Variants in HSD17B2 observed in about 807,000 individuals in gnomAD.
HSD17B2 encodes 17-beta-hydroxysteroid dehydrogenase type 2.
HSD17B2 carries 32 observed loss-of-function variants against 26.9 expected under a neutral mutation model. The ratio of observed to expected loss-of-function variants is 1.19; its 90% CI spans 0.90 to 1.60. The LOEUF (loss-of-function observed/expected upper bound fraction) is 1.60. HSD17B2 is among the 40% of genes most tolerant of loss of function. HSD17B2 has a pLI of 0.00. For synonymous variants in HSD17B2, 246 were observed against 186.7 expected (o/e 1.32, Z -2.59); for missense variants, 613 against 468.6 (o/e 1.31, Z -2.85).
At position 82,068,359 on chromosome 16, in the gene HSD17B2, T is replaced by G. The variant is rs780990045; in HGVS notation, c.455T>G (p.Val152Gly). The change falls in exon 2 of 5, where the codon GTT becomes GGT. Residue 152 changes from valine (V) to glycine (G), a missense_variant. Coordinates refer to ENST00000199936, the MANE Select transcript of HSD17B2 (RefSeq NM_002153.3). ...CAGATAAAAGATGCTTACAGCAAGGTTGCAGCAATGCTGCAGGACAGAGGT... is the reference window on the plus strand; with the variant it reads ...CAGATAAAAGATGCTTACAGCAAGGGTGCAGCAATGCTGCAGGACAGAGGT... Reference protein sequence around the residue: ...PVQIKDAYSKVAAMLQDRGLW... With the variant: ...PVQIKDAYSKGAAMLQDRGLW... The G allele has an allele frequency of 1.9e-6, 3 of 1,613,096 alleles. No homozygotes were observed. The highest frequency in any genetic ancestry group is 2.5e-6 in the Non-Finnish European group (3 of 1,179,832).
chr16:82,051,114 A>T (rs948150259), intron 1 of HSD17B2, among the ~76,000 whole-genome samples: 2 of 152,182 alleles, frequency 1.3e-5, no homozygotes, highest in African/African-American at 4.8e-5. Flanking sequence ...CCTATTTGTT[A>T]CTTTCATAGA....
intron 3 of HSD17B2, among the ~76,000 whole-genome samples, chr16:82,082,504 T>C (rs910089157): frequency 2.0e-5 from 3 of 152,234 alleles, no homozygotes; most frequent in Non-Finnish European, 4.4e-5. Context: ...ATAATGCTTC[T>C]CTGAATATTT....
In HSD17B2 at chr16:82,068,213, T is replaced by TGA; in HGVS notation, c.311_312dup (p.Leu105SerfsTer11). On this transcript the variant is annotated frameshift_variant, in exon 2 of 5. Transcript: ENST00000199936. LOFTEE classifies it high-confidence loss of function. ...GCCATGCTTTGTGCAAGTATCTGGA[T>TGA]GAGCTGGGCTTCACGGTATTTGCCG... The TGA allele has an allele frequency of 6.2e-7, 1 of 1,614,056 alleles. No individual in the cohort carries two copies. The highest frequency in any genetic ancestry group is 1.1e-5 in the South Asian group (1 of 91,078).
chr16:82,049,627 A>T (rs1914044787), intron 1 of HSD17B2, among the ~76,000 whole-genome samples: 1 of 152,220 alleles, frequency 6.6e-6, no homozygotes, highest in Non-Finnish European at 1.5e-5. Context: ...AAGAGAGGAA[A>T]CAGCCCTGGG....
intron 1 of HSD17B2, among the ~76,000 whole-genome samples, chr16:82,046,007 G>A (rs1913915360): frequency 6.6e-6 from 1 of 152,258 alleles, no homozygotes; most frequent in South Asian, 2.1e-4. Context: ...ATTGCCTCCT[G>A]AGTCCCCATC....
intron 1 of HSD17B2, 85 bp from the exon 2 acceptor site, chr16:82,068,085 A>G: frequency 8.3e-7 from 1 of 1,204,036 alleles, no homozygotes; most frequent in South Asian, 1.3e-5. Flanking sequence ...GAGAATCGTA[A>G]ACAACGTAAT....
intron 1 of HSD17B2, among the ~76,000 whole-genome samples, chr16:82,046,641 T>C (rs8191067): frequency 9.9e-5 from 15 of 152,012 alleles, no homozygotes; most frequent in African/African-American, 3.1e-4. Flanking sequence ...GGAGGATCGC[T>C]TGAACCTGGG....
intron 3 of HSD17B2, among the ~76,000 whole-genome samples, chr16:82,075,208 G>A (rs1473687834): frequency 6.6e-6 from 1 of 151,830 alleles, no homozygotes; most frequent in African/African-American, 2.4e-5. Context: ...GTACTAAGAG[G>A]GAAGCTGGCT....
rs754802769 is a variant in HSD17B2, at chr16:82,065,171, T to G, written c.266-2999T>G. 2.6e-5 allele frequency among the ~76,000 whole-genome samples: 4 copies of G among 152,254 alleles called. No homozygotes were observed. The South Asian group carries it at 6.2e-4, about 24-fold the overall frequency. ...TGGGATGCAAGGCCAAAGGAAGGAT[T>G]GGAAAGTGCAAAGTTCATGATTCTC... On this transcript the variant is annotated intron_variant, in intron 1 of 4. Transcript: ENST00000199936.
intron 3 of HSD17B2, among the ~76,000 whole-genome samples, chr16:82,075,086 T>C (rs1904294557): frequency 6.6e-6 from 1 of 152,098 alleles, no homozygotes; most frequent in Non-Finnish European, 1.5e-5. Context: ...TTAAACAATA[T>C]ATTCCTGAGT....
chr16:82,083,461 G>A, intron 3 of HSD17B2, among the ~76,000 whole-genome samples: 1 of 152,176 alleles, frequency 6.6e-6, no homozygotes, highest in Non-Finnish European at 1.5e-5. Context: ...GAACCTCTGA[G>A]TTGCAGCCTC....
intron 1 of HSD17B2, among the ~76,000 whole-genome samples, chr16:82,043,417 G>T (rs1014024474): frequency 1.6e-5 from 2 of 124,356 alleles, no homozygotes; most frequent in African/African-American, 6.3e-5. Context: ...GGGCGCGGTG[G>T]CTCATGCCTG....
intron 1 of HSD17B2, chr16:82,044,472 G>C (rs1371648482): frequency 6.6e-6 from 1 of 152,330 alleles, no homozygotes; most frequent in African/African-American, 2.4e-5. Context: ...GGGCAGCTGG[G>C]CTTAGCACAG....
At chr16:82,046,309 G>A (rs1252468755) in intron 1 of HSD17B2, among the ~76,000 whole-genome samples, 1 of 152,202 alleles carries the variant, frequency 6.6e-6, no homozygotes, top group Non-Finnish European at 1.5e-5. Context: ...GGACAGTGGT[G>A]TGACTGTGCT....
At chr16:82,052,832 A>C (rs1368656067) in intron 1 of HSD17B2, among the ~76,000 whole-genome samples, 1 of 152,240 alleles carries the variant, frequency 6.6e-6, no homozygotes, top group African/African-American at 2.4e-5. Context: ...GGTGCCTTAA[A>C]ACAGCAGAAA....
At chr16:82,092,007 A>C (rs1214233661) in intron 4 of HSD17B2, 5 of 152,176 alleles carry the variant, frequency 3.3e-5, no homozygotes, top group Admixed American at 3.3e-4. Context: ...GCAGCTCAAA[A>C]ATGGTCCCTA....
intron 1 of HSD17B2, among the ~76,000 whole-genome samples, chr16:82,036,580 G>T (rs1398133930): frequency 2.6e-5 from 4 of 152,096 alleles, no homozygotes; most frequent in African/African-American, 9.7e-5. Context: ...GGCAAGAATG[G>T]CATGGGGATG....
At chr16:82,090,321 T>G (rs1366926668) in intron 3 of HSD17B2, 4 of 352,924 alleles carry the variant, frequency 1.1e-5, no homozygotes, top group Admixed American at 7.5e-5. Flanking sequence ...TTTTTTTTTT[T>G]TTTTTTTTTT....
intron 1 of HSD17B2, among the ~76,000 whole-genome samples, chr16:82,067,539 C>T (rs780575395): frequency 6.6e-6 from 1 of 152,158 alleles, no homozygotes; most frequent in Non-Finnish European, 1.5e-5. Flanking sequence ...CAGAGCAATG[C>T]AATTAGGGCT....
Sources: gnomAD v4.1 joint callset for allele counts (sites outside exome capture counted in the v4.1 genomes callset) on GRCh38, gnomAD v4.1.1 for gene constraint, MANE v1.5 for transcripts, NCBI Gene and HGNC (gene_info 2026-07-23, HGNC 2026-07-21) for gene names.